The following FER variants were observed in gnomAD, a reference collection of about 807,000 sequenced individuals.
FER encodes the protein FER tyrosine kinase.
In FER, 63 loss-of-function variants were observed where a neutral mutation model predicts 111.0. The observed-to-expected ratio is 0.57, with a 90% CI of 0.46 to 0.70. The LOEUF is 0.70. FER is among the 30% of genes least tolerant of loss of function. The probability of loss-of-function intolerance (pLI) is 0.00; values close to 1 mark genes in which losing one functional copy is unlikely to be tolerated. For synonymous variants in FER, 327 were observed against 313.9 expected, an observed-to-expected ratio of 1.04 and a Z score of -0.44; for missense variants, 914 against 954.0, an observed-to-expected ratio of 0.96 and a Z score of 0.55.
rs767769442 is a variant in FER, at chr5:108,832,934, G to C, written c.372G>C (p.Glu124Asp). The C allele has an allele frequency of 5.1e-6, 8 of 1,568,576 alleles. No individual in the cohort carries two copies. The Admixed American group carries it at 1.4e-4, about 27-fold the overall frequency. Residue 124 changes from glutamate to aspartate, a missense_variant, in exon 4 of 20, where the codon GAG becomes GAC. This residue lies in a region of FER where 774 missense variants were observed against 782.6 expected (regional missense o/e 0.99). Coordinates refer to ENST00000281092, the MANE Select transcript of FER (RefSeq NM_005246.4). ...YIGVHQQIEA[E>D]MIKVTKTELE... Reference sequence around the variant, plus strand: ...GTGTTCATCAGCAGATAGAGGCAGAGATGATCAAGGTTCGTTTTTCCATAT... The same window carrying C: ...GTGTTCATCAGCAGATAGAGGCAGACATGATCAAGGTTCGTTTTTCCATAT...
chr5:109,147,800 TAGAGAGAGAGAGAG>T (rs750473377), intron 17 of FER, among the ~76,000 whole-genome samples: 14 of 118,566 alleles, frequency 1.2e-4, no homozygotes, highest in African/African-American at 4.5e-4. Context: ...TATATATATA[TAGAGAGAGAGAGAG>T]AGAGAGAGAG....
chr5:108,959,400 G>A (rs1758863510), intron 13 of FER, 53 bp downstream of exon 13: 2 of 1,520,970 alleles, frequency 1.3e-6, no homozygotes, highest in Non-Finnish European at 8.8e-7. Flanking sequence ...TTTTTGGTGA[G>A]TTAACATTTC....
intron 8 of FER, among the ~76,000 whole-genome samples, chr5:108,875,882 A>G (rs768206498): frequency 6.6e-6 from 1 of 152,180 alleles, no homozygotes; most frequent in Non-Finnish European, 1.5e-5. Context: ...TCTCTTTATT[A>G]TAAGGTGTTA....
intron 3 of FER, among the ~76,000 whole-genome samples, chr5:108,805,249 G>A (rs1300674920): frequency 2.6e-5 from 4 of 152,190 alleles, no homozygotes; most frequent in African/African-American, 9.6e-5. Context: ...TTTGCCTGCC[G>A]TCATCCACAT....
At chr5:109,044,608 C>A in intron 14 of FER, 72 bp from the exon 15 acceptor site, 1 of 721,414 alleles carries the variant, frequency 1.4e-6, no homozygotes, top group Non-Finnish European at 2.3e-6. Flanking sequence ...CTCTTTGGTA[C>A]CTTTCCTTGT....
intron 5 of FER, among the ~76,000 whole-genome samples, chr5:108,847,392 C>G (rs866704580): frequency 6.6e-6 from 1 of 151,614 alleles, no homozygotes; most frequent in Non-Finnish European, 1.5e-5. Context: ...GACTTTATTT[C>G]TTTTACATTT....
intron 10 of FER, among the ~76,000 whole-genome samples, chr5:108,921,960 T>A (rs1425061875): frequency 1.3e-5 from 2 of 152,206 alleles, no homozygotes; most frequent in Admixed American, 1.3e-4. Flanking sequence ...GGTCTGTAGT[T>A]GTAAACTAGT....
intron 3 of FER, chr5:108,819,896 A>G: frequency 1.0e-6 from 1 of 985,390 alleles, no homozygotes; most frequent in Non-Finnish European, 1.2e-6. Flanking sequence ...ATAAGGCAGT[A>G]GATGAAAAGG....
intron 13 of FER, among the ~76,000 whole-genome samples, chr5:108,965,810 C>T (rs575358953): frequency 1.1e-3 from 160 of 152,272 alleles, no homozygotes; most frequent in African/African-American, 3.8e-3. Context: ...GTCCCCAACC[C>T]ACATGAAAGT....
chr5:108,879,910 A>C (rs570649202), intron 8 of FER, among the ~76,000 whole-genome samples: 66 of 151,728 alleles, frequency 4.3e-4, no homozygotes, highest in African/African-American at 1.5e-3. Flanking sequence ...AGGTTTCACC[A>C]TGTTGGCCAG....
At chr5:109,047,773 A>G (rs1772201578) in intron 16 of FER, among the ~76,000 whole-genome samples, 1 of 152,142 alleles carries the variant, frequency 6.6e-6, no homozygotes, top group Non-Finnish European at 1.5e-5. Context: ...TAATCTCACA[A>G]TGCTTTGAAT....
chr5:109,139,569 T>G (rs1326915360), intron 17 of FER, among the ~76,000 whole-genome samples: 1 of 152,080 alleles, frequency 6.6e-6, no homozygotes, highest in Non-Finnish European at 1.5e-5. Context: ...TGACTATGAC[T>G]TCATTTTCAG....
chr5:109,049,862 T>G (rs1167294530), intron 16 of FER, among the ~76,000 whole-genome samples: 3 of 152,226 alleles, frequency 2.0e-5, no homozygotes, highest in Non-Finnish European at 4.4e-5. Context: ...AAATTAGTTA[T>G]ATGTGTACTA....
chr5:108,775,676 T>G (rs1753411075), intron 2 of FER, among the ~76,000 whole-genome samples: 2 of 152,216 alleles, frequency 1.3e-5, no homozygotes. Context: ...GCTGTTTCAC[T>G]TGCATGTAAC....
chr5:108,808,498 A>T (rs956691155), intron 3 of FER, among the ~76,000 whole-genome samples: 2 of 151,608 alleles, frequency 1.3e-5, no homozygotes, highest in Non-Finnish European at 2.9e-5. Context: ...AACATGTAAG[A>T]ATGGGTTTCT....
chr5:108,832,464 G>A (rs1417204381), intron 3 of FER, among the ~76,000 whole-genome samples: 1 of 152,152 alleles, frequency 6.6e-6, no homozygotes, highest in Non-Finnish European at 1.5e-5. Flanking sequence ...GTATTTCAGT[G>A]TGCTGGAAAA....
At chr5:108,820,418 G>A (rs1215655482) in intron 3 of FER, 1 of 985,236 alleles carries the variant, frequency 1.0e-6, no homozygotes, top group Non-Finnish European at 1.2e-6. Context: ...TTATTTTTCT[G>A]GTTACTGTTC....
chr5:108,885,444 A>G (rs753030552), intron 9 of FER, among the ~76,000 whole-genome samples: 3 of 151,954 alleles, frequency 2.0e-5, no homozygotes, highest in Admixed American at 2.0e-4. Context: ...TTGGTCTGCT[A>G]TAACAATGTG....
chr5:109,015,825 T>C (rs1767022606), intron 13 of FER, among the ~76,000 whole-genome samples: 1 of 152,018 alleles, frequency 6.6e-6, no homozygotes, highest in African/African-American at 2.4e-5. Flanking sequence ...GAAATTGGCT[T>C]TTTTCTGTGT....
Sources: allele counts gnomAD v4.1 joint callset (sites outside exome capture counted in the v4.1 genomes callset), GRCh38; gene constraint gnomAD v4.1.1; regional missense constraint gnomAD v4.1.1; transcripts MANE v1.5; gene names NCBI Gene and HGNC (gene_info 2026-07-23, HGNC 2026-07-21).